MED15: variants seen among roughly 807,000 people sequenced by gnomAD.
The protein encoded by MED15 is mediator complex subunit 15.
A neutral mutation model predicts 118.7 loss-of-function variants in MED15; 41 were observed. The observed-to-expected ratio is 0.35, with a 90% CI of 0.27 to 0.45. The LOEUF is 0.45. Ranked by LOEUF, MED15 falls within the 20% of genes least tolerant of loss-of-function variation. The pLI is 1.00. For synonymous variants in MED15, 436 were observed against 413.9 expected, an observed-to-expected ratio of 1.05 and a Z score of -0.65; for missense variants, 740 against 1,025.5, an observed-to-expected ratio of 0.72 and a Z score of 3.80.
In MED15 at chr22:20,583,390, A is replaced by G; in HGVS notation, c.1733A>G (p.Lys578Arg). ...CTGGACATTCTGACAGACCCCTCGAAGCGGTGAGCTTTGCCCACAGCCCAC... is the reference window on the plus strand; with the variant it reads ...CTGGACATTCTGACAGACCCCTCGAGGCGGTGAGCTTTGCCCACAGCCCAC... ...SLLDILTDPSKRCPLKTLQKC... is the reference protein window; with the variant it reads ...SLLDILTDPSRRCPLKTLQKC... Residue 578 changes from lysine to arginine, a missense_variant, in exon 13 of 18, where the codon AAG becomes AGG. This residue lies in a region of MED15 where 384 missense variants were observed against 506.3 expected (regional missense o/e 0.76). Coordinates refer to ENST00000263205, the MANE Select transcript of MED15 (RefSeq NM_001003891.3). 6.2e-7 allele frequency: 1 copy of G among 1,611,760 alleles called. No individual in the cohort carries two copies. The highest frequency in any genetic ancestry group is 8.5e-7 in the Non-Finnish European group (1 of 1,180,012).
intron 1 of MED15, among the ~76,000 whole-genome samples, chr22:20,530,607 CAGGGGAGAGGCCTCACTGAG>C (rs2054817398): frequency 6.6e-6 from 1 of 151,776 alleles, no homozygotes; most frequent in South Asian, 2.1e-4. Context: ...AGGGTGGGGT[CAGGGGAGAGGCCTCACTGAG>C]AGGGGAGAGG....
intron 9 of MED15, among the ~76,000 whole-genome samples, chr22:20,577,640 G>A (rs969641521): frequency 6.6e-6 from 1 of 151,806 alleles, no homozygotes; most frequent in Non-Finnish European, 1.5e-5. Context: ...GGAGAATTCT[G>A]GTTTGTCCTC....
chr22:20,535,705 G>A (rs1379511516), intron 1 of MED15, among the ~76,000 whole-genome samples: 5 of 148,574 alleles, frequency 3.4e-5, no homozygotes, highest in East Asian at 2.0e-4. Flanking sequence ...GACTACAGGC[G>A]CCTGCCACCA....
At chr22:20,575,701 A>G (rs966735575) in intron 9 of MED15, among the ~76,000 whole-genome samples, 6 of 151,476 alleles carry the variant, frequency 4.0e-5, no homozygotes, top group African/African-American at 1.5e-4. Context: ...GCGACATACT[A>G]TCTCCAATTA....
Position 20,582,670 on chromosome 22 carries a change from C to A in MED15, c.1332C>A (p.Thr444=), listed in dbSNP as rs1052661593. The A allele has an allele frequency of 1.3e-6, 2 of 1,595,570 alleles. No individual in the cohort carries two copies. Among genetic ancestry groups the A allele is most frequent in the Non-Finnish European group, 1.7e-6 (2 of 1,177,308 alleles). The change falls in exon 10 of 18, where the codon ACC becomes ACA. Residue 444 remains threonine (T), a synonymous_variant. Transcript: ENST00000263205. ...SSPSPGQQVQ[T]PQSMPPPPQP... ...CGTCACCGGGCCAGCAGGTGCAGAC[C>A]CCGCAGTCGATGCCCCCTCCCCCCC...
intron 5 of MED15, among the ~76,000 whole-genome samples, chr22:20,560,165 C>T (rs1038975188): frequency 6.6e-5 from 10 of 152,224 alleles, no homozygotes; most frequent in Middle Eastern, 3.4e-3. Context: ...GGTTGAAAAT[C>T]GCTGGTGTAA....
In MED15 at chr22:20,515,514, G is replaced by C. The variant is rs542375695; in HGVS notation, c.68+7768G>C. Among the ~76,000 whole-genome samples, 71 of 152,310 alleles carry C rather than the reference G, an allele frequency of 4.7e-4. No individual in the cohort carries two copies. The South Asian group carries it at 0.014, about 31-fold the overall frequency. On this transcript the variant is annotated intron_variant, in intron 1 of 17. Transcript: ENST00000263205. ...TCATAATAAAGTTTACGAAGGCTGGGCGTAGTGGCTCACGCCTATAATCCT... is the reference window on the plus strand; with the variant it reads ...TCATAATAAAGTTTACGAAGGCTGGCCGTAGTGGCTCACGCCTATAATCCT...
At chr22:20,518,771 C>A in intron 1 of MED15, 1 of 409,510 alleles carries the variant, frequency 2.4e-6, no homozygotes, top group East Asian at 7.3e-5. Flanking sequence ...TCCATCAGTG[C>A]TGCCTAAACC....
chr22:20,583,211 C>G lies in MED15; in HGVS notation c.1636C>G (p.Leu546Val). ...LKQLSKYIEP[L>V]RRMINKIDKN... ...GCAGCTGTCGAAGTACATCGAGCCC[C>G]TGCGCCGCATGATCAACAAGATCGA... Residue 546 changes from leucine to valine, a missense_variant, in exon 12 of 18, where the codon CTG (leucine) becomes GTG (valine). This residue lies in a region of MED15 where 384 missense variants were observed against 506.3 expected (regional missense o/e 0.76). Transcript: ENST00000263205. The G allele has an allele frequency of 6.2e-7, 1 of 1,612,214 alleles. No individual in the cohort carries two copies. The highest frequency in any genetic ancestry group is 8.5e-7 in the Non-Finnish European group (1 of 1,179,154).
chr22:20,537,029 C>A, intron 1 of MED15, 88 bp from the exon 2 acceptor site: 1 of 1,201,842 alleles, frequency 8.3e-7, no homozygotes, highest in Non-Finnish European at 1.2e-6. Context: ...TCACCAGGGG[C>A]AGCTGCTATG....
chr22:20,533,710 G>A (rs1217939368), intron 1 of MED15, among the ~76,000 whole-genome samples: 1 of 152,186 alleles, frequency 6.6e-6, no homozygotes, highest in Non-Finnish European at 1.5e-5. Context: ...CCTCCAGCTT[G>A]GTCCATGCTC....
chr22:20,517,125 ACCAGGTCTTGGTTTGTTG>A (rs2054282647), intron 1 of MED15, among the ~76,000 whole-genome samples: 1 of 149,834 alleles, frequency 6.7e-6, no homozygotes, highest in South Asian at 2.1e-4. Context: ...TTTGGTAGAG[ACCAGGTCTTGGTTTGTTG>A]CCCAGGCTGG....
chr22:20,584,886 C>A lies in MED15; in HGVS notation c.1835C>A (p.Thr612Asn). 6.2e-7 allele frequency: 1 copy of A among 1,613,538 alleles called. No homozygotes were observed. Among genetic ancestry groups the A allele is most frequent in the South Asian group, 1.1e-5 (1 of 91,062 alleles). ...CCCCCACCGCCCCCGGTGCCACCGA[C>A]CAAACAGCAGTACCTATGCCAGCCG... is the stretch of plus-strand genomic sequence containing the variant. ...PTPPPPPVPP[T>N]KQQYLCQPLL... is the part of the protein sequence containing the mutation. Residue 612 changes from threonine (T) to asparagine (N), a missense_variant, in exon 15 of 18, where the codon ACC becomes AAC. Transcript: ENST00000263205.
intron 9 of MED15, among the ~76,000 whole-genome samples, chr22:20,575,593 C>T (rs539242581): frequency 1.3e-5 from 2 of 151,896 alleles, no homozygotes; most frequent in South Asian, 2.1e-4. Context: ...AAAATTAGGC[C>T]GGGCACAGGG....
chr22:20,539,145 C>G (rs1474907190), intron 2 of MED15, among the ~76,000 whole-genome samples: 1 of 151,880 alleles, frequency 6.6e-6, no homozygotes, highest in Non-Finnish European at 1.5e-5. Context: ...GTCACCCAGG[C>G]TGGAGTGCAA....
At chr22:20,585,054 G>A (rs2057093055) in intron 15 of MED15, 39 bp downstream of exon 15, 1 of 1,613,384 alleles carries the variant, frequency 6.2e-7, no homozygotes, top group African/African-American at 1.3e-5. Context: ...AGGGCGGCCA[G>A]CCCTGGGCCG....
At chr22:20,562,446 G>A (rs1231225937) in intron 5 of MED15, among the ~76,000 whole-genome samples, 4 of 152,052 alleles carry the variant, frequency 2.6e-5, no homozygotes, top group East Asian at 1.9e-4. Context: ...GTGCAGTGGC[G>A]CGATCTCGGC....
At chr22:20,570,746 C>CTTTTTTTTTTTTTTTTTTTTTT (rs61109389) in intron 8 of MED15, among the ~76,000 whole-genome samples, 17 of 62,068 alleles carry the variant, frequency 2.7e-4, no homozygotes, top group African/African-American at 7.3e-4. Context: ...TTCTTTCTTT[C>CTTTTTTTTTTTTTTTTTTTTTT]TTTTTTTTTT....
intron 2 of MED15, chr22:20,551,235 G>A (rs2055762451): frequency 2.8e-6 from 2 of 710,610 alleles, no homozygotes; most frequent in Non-Finnish European, 2.6e-6. Flanking sequence ...TTGTTTCTTT[G>A]TGCCTGTTAT....
Sources: gnomAD v4.1 joint callset for allele counts (sites outside exome capture counted in the v4.1 genomes callset) on GRCh38, gnomAD v4.1.1 for gene constraint, gnomAD v4.1.1 regional missense constraint, MANE v1.5 for transcripts, NCBI Gene and HGNC (gene_info 2026-07-23, HGNC 2026-07-21) for gene names.